Variants in KIF1C observed in about 807,000 individuals in gnomAD.
KIF1C encodes the protein kinesin family member 1C, also known as kinesin-like protein KIF1C.
Under a neutral mutation model 126.5 loss-of-function variants are expected in KIF1C, and 61 were observed. That is an observed-to-expected ratio of 0.48 (90% confidence interval 0.39 to 0.60). KIF1C has a LOEUF of 0.60. KIF1C is among the 20% of genes least tolerant of loss of function. The pLI is 0.00. For synonymous variants in KIF1C, 640 were observed against 580.6 expected (o/e 1.10, Z -1.47); for missense variants, 1,315 against 1,489.2 (o/e 0.88, Z 1.93).
chr17:5,003,107 C>T (rs1471024935), intron 8 of KIF1C, among the ~76,000 whole-genome samples: 1 of 150,912 alleles, frequency 6.6e-6, no homozygotes, highest in African/African-American at 2.4e-5. Context: ...TGCAGTGGTG[C>T]GATGTCAGCT....
rs1317509272 is a variant in KIF1C, at chr17:5,023,886, C to T, written c.3047C>T (p.Pro1016Leu). Reference protein sequence around the residue: ...PEEVTPHPATPARRPPSPRRS... With the variant: ...PEEVTPHPATLARRPPSPRRS... ...GAGGTCACTCCCCATCCAGCCACCCCTGCCCGCCGGCCTCCGAGTCCCCGA... is the reference window on the plus strand; with the variant it reads ...GAGGTCACTCCCCATCCAGCCACCCTTGCCCGCCGGCCTCCGAGTCCCCGA... The change falls in exon 23 of 23, where the codon CCT becomes CTT. Residue 1016 changes from proline (P) to leucine (L), a missense_variant. Transcript: ENST00000320785. This position sits in a 1 kb window ranked among gnomAD's most constrained non-coding sequence, Gnocchi z 4.2. The T allele has an allele frequency of 1.3e-6, 2 of 1,543,088 alleles. No individual in the cohort carries two copies. The highest frequency in any genetic ancestry group is 2.5e-5 in the South Asian group (2 of 80,198).
chr17:5,009,541 C>T (rs943973899), intron 16 of KIF1C, among the ~76,000 whole-genome samples: 3 of 151,734 alleles, frequency 2.0e-5, no homozygotes, highest in Admixed American at 2.0e-4. Context: ...GTAATCCTAG[C>T]ACTTTGGGAG....
chr17:5,009,162 CAG>C (rs1240332623), intron 16 of KIF1C, among the ~76,000 whole-genome samples: 1 of 150,386 alleles, frequency 6.6e-6, no homozygotes, highest in Admixed American at 6.6e-5. Flanking sequence ...AGTTTCCCCT[CAG>C]AGGCAGCCTT....
intron 18 of KIF1C, among the ~76,000 whole-genome samples, chr17:5,018,416 C>T (rs928871721): frequency 6.6e-6 from 1 of 151,828 alleles, no homozygotes; most frequent in Admixed American, 6.6e-5. Context: ...CCTGTGATTC[C>T]AGCACTTTGG....
chr17:5,004,789 G>C, intron 12 of KIF1C, 66 bp from the exon 13 acceptor site: 4 of 1,608,244 alleles, frequency 2.5e-6, no homozygotes, highest in Non-Finnish European at 3.4e-6. Flanking sequence ...AGAGGGGGAA[G>C]GAGAAACAGC....
chr17:5,012,796 C>T (rs998915942), intron 16 of KIF1C, among the ~76,000 whole-genome samples: 20 of 152,162 alleles, frequency 1.3e-4, no homozygotes, highest in Non-Finnish European at 2.5e-4. Context: ...GGTACAGAGG[C>T]AGCGTCGCCT....
chr17:5,004,964 C>T lies in KIF1C; in HGVS notation c.1129C>T (p.Leu377=). Residue 377 remains leucine (L), a synonymous_variant, in exon 13 of 23, where the codon CTG becomes TTG. Coordinates refer to ENST00000320785, the MANE Select transcript of KIF1C (RefSeq NM_006612.6). ...QEEVARLREL[L]MAQGLSASAL... ...GGAAGTAGCCCGGCTGCGGGAACTG[C>T]TGATGGCTCAGGGACTGTCAGCCTC... 1 of 1,614,244 alleles carries T rather than the reference C, an allele frequency of 6.2e-7. No homozygotes were observed.
Position 5,006,865 on chromosome 17 carries a change from C to T in KIF1C, c.1166-50C>T, listed in dbSNP as rs528978176. 5.5e-5 allele frequency: 88 copies of T among 1,587,490 alleles called. 1 individual carries two copies. In the South Asian group the frequency reaches 9.3e-4, roughly 17 times the overall value. On this transcript the variant is annotated intron_variant, in intron 13 of 22. Coordinates refer to ENST00000320785, the MANE Select transcript of KIF1C (RefSeq NM_006612.6). ...TCTTGGTCTCCTGGATGTCTCTCAT[C>T]AGCTCCTTCTTTCCTTAGCCTCATT...
At position 5,020,815 on chromosome 17, in the gene KIF1C, T is replaced by G. The variant is rs766079602; in HGVS notation, c.1947T>G (p.Asp649Glu). ...IKLEMEKRLQ[D>E]LENQYRKEKE... ...CCCTGTCCAATCCCAGGCTGCAGGATCTGGAGAATCAGTACCGGAAAGAAA... is the reference window on the plus strand; with the variant it reads ...CCCTGTCCAATCCCAGGCTGCAGGAGCTGGAGAATCAGTACCGGAAAGAAA... The change falls in exon 21 of 23, where the codon GAT (aspartate) becomes GAG (glutamate). Residue 649 changes from aspartate (D) to glutamate (E), a missense_variant. Asp to Glu is a conservative substitution (Grantham distance 45). Transcript: ENST00000320785. This position sits in a 1 kb window ranked among gnomAD's most constrained non-coding sequence, Gnocchi z 5.8. 1 of 1,594,644 alleles carries G rather than the reference T, an allele frequency of 6.3e-7. No homozygotes were observed. The highest frequency in any genetic ancestry group is 1.8e-5 in the Admixed American group (1 of 55,414).
At position 5,002,851 on chromosome 17, in the gene KIF1C, G is replaced by GC. The variant is rs10533622; in HGVS notation, c.720+20dup. On this transcript the variant is annotated intron_variant, in intron 8 of 22. Coordinates refer to ENST00000320785, the MANE Select transcript of KIF1C (RefSeq NM_006612.6). ...GGCTGGACTCGGAGAAGGTGGGATC[G>GC]CCCCCCCCCCCACTCCCCCACCGGA... The GC allele has an allele frequency of 0.029, 40,418 of 1,394,920 alleles. 22 individuals are homozygous for GC. Among genetic ancestry groups the GC allele is most frequent in the South Asian group, 0.084 (6,630 of 78,676 alleles). 86.4% of individuals were successfully genotyped at this position (1,394,920 alleles called of 1,614,324 possible).
Position 5,020,648 on chromosome 17 carries a change from G to A in KIF1C, c.1907G>A (p.Gly636Asp), listed in dbSNP as rs1975069700. Residue 636 changes from glycine (G) to aspartate (D), a missense_variant, in exon 20 of 23, where the codon GGC (glycine) becomes GAC (aspartate). Gly to Asp is a moderately conservative substitution (Grantham distance 94). Around this residue, in one of 2 missense-constraint regions of KIF1C, gnomAD observed 874 missense variants for 1,053.2 expected, o/e 0.83. Coordinates refer to ENST00000320785, the MANE Select transcript of KIF1C (RefSeq NM_006612.6). This position sits in a 1 kb window ranked among gnomAD's most constrained non-coding sequence, Gnocchi z 5.8. ...CAGAAGGAACTGCTGGAGCAGCAAGGCATCGACATAAAGCTGGAAATGGAG... is the reference window on the plus strand; with the variant it reads ...CAGAAGGAACTGCTGGAGCAGCAAGACATCGACATAAAGCTGGAAATGGAG... Reference protein sequence around the residue: ...FAQKELLEQQGIDIKLEMEKR... With the variant: ...FAQKELLEQQDIDIKLEMEKR... The A allele has an allele frequency of 6.2e-7, 1 of 1,614,096 alleles. No homozygotes were observed. The highest frequency in any genetic ancestry group is 8.5e-7 in the Non-Finnish European group (1 of 1,180,030).
In KIF1C at chr17:5,026,399, G is replaced by T. The variant is rs938724369; in HGVS notation, c.*2248G>T. On this transcript the variant is annotated 3_prime_UTR_variant, in exon 23 of 23. Transcript: ENST00000320785. Reference sequence around the variant, plus strand: ...AAATAGCTTGCTAATTTAAAAGACGGATTATTTTTCCCTAAAGACCTTGAC... The same window carrying T: ...AAATAGCTTGCTAATTTAAAAGACGTATTATTTTTCCCTAAAGACCTTGAC... The T allele has an allele frequency of 6.6e-6, 1 of 152,072 alleles. No individual in the cohort carries two copies. Among genetic ancestry groups the T allele is most frequent in the African/African-American group, 2.4e-5 (1 of 41,396 alleles). 9.4% of individuals were successfully genotyped at this position (152,072 alleles called of 1,614,324 possible). A position where few individuals can be genotyped will look rare whatever the true frequency, so the allele number is the denominator to read the frequency against.
intron 6 of KIF1C, 128 bp downstream of exon 6, chr17:5,002,252 C>T: frequency 9.8e-7 from 1 of 1,017,562 alleles, no homozygotes; most frequent in South Asian, 1.3e-5. Context: ...GGCAGTGATT[C>T]TGTCCTTCAG....
At position 5,005,155 on chromosome 17, in the gene KIF1C, G is replaced by C. The variant is rs552788852; in HGVS notation, c.1165+155G>C. On this transcript the variant is annotated intron_variant, in intron 13 of 22. Transcript: ENST00000320785. Reference sequence around the variant, plus strand: ...GTGGACACAGATGTGGAGAGGGAACGTATGTCTTCAGATGTTACAGAGCTG... The same window carrying C: ...GTGGACACAGATGTGGAGAGGGAACCTATGTCTTCAGATGTTACAGAGCTG... 2.6e-5 allele frequency among the ~76,000 whole-genome samples: 4 copies of C among 152,348 alleles called. No individual in the cohort carries two copies. The East Asian group carries it at 7.7e-4, about 29-fold the overall frequency.
Position 5,006,972 on chromosome 17 carries a change from C to G in KIF1C, c.1223C>G (p.Pro408Arg), listed in dbSNP as rs2143331334. ...GCCCTGCCAGCTGTGTCATCTCCCC[C>G]AGCTCCAGTTTCACCCTCATCACCC... ...RGALPAVSSP[P>R]APVSPSSPTT... The change falls in exon 14 of 23, where the codon CCA (proline) becomes CGA (arginine). Residue 408 changes from proline (P) to arginine (R), a missense_variant. By Grantham distance (103) the Pro-to-Arg change is moderately radical. This residue lies in a region of KIF1C where 874 missense variants were observed against 1,053.2 expected (regional missense o/e 0.83). Transcript: ENST00000320785. The G allele has an allele frequency of 1.9e-6, 3 of 1,610,684 alleles. 1 individual carries two copies. The Admixed American group carries it at 5.1e-5, about 27-fold the overall frequency.
chr17:5,020,045 G>A lies in KIF1C; in HGVS notation c.1716G>A (p.Gly572=), dbSNP rs1468583595. The A allele has an allele frequency of 6.2e-7, 1 of 1,603,852 alleles. No individual in the cohort carries two copies. The highest frequency in any genetic ancestry group is 2.2e-5 in the East Asian group (1 of 44,550). ...AAGGAGCTGAGACATATGTGAATGG[G>A]AAGCTTGTGACGGAGCCGCTGGTGC... ...PCEGAETYVN[G]KLVTEPLVLK... The change falls in exon 19 of 23, where the codon GGG becomes GGA. Residue 572 remains glycine (G), a synonymous_variant. Transcript: ENST00000320785. This position sits in a 1 kb window ranked among gnomAD's most constrained non-coding sequence, Gnocchi z 5.8.
Position 5,022,403 on chromosome 17 carries a change from G to C in KIF1C, c.2322G>C (p.Leu774=), listed in dbSNP as rs747862350. The change falls in exon 22 of 23, where the codon CTG becomes CTC. Residue 774 remains leucine, a synonymous_variant. Transcript: ENST00000320785. The surrounding 1 kb of genome is among the most constrained non-coding windows in gnomAD (Gnocchi z 4.9). Reference sequence around the variant, plus strand: ...ACGGGCGGGCTGAGATTGAGGCCCTGGCCGCCCTCAAGATGCGGGAGCTGT... The same window carrying C: ...ACGGGCGGGCTGAGATTGAGGCCCTCGCCGCCCTCAAGATGCGGGAGCTGT... The part of the protein sequence containing the change: ...FRHGRAEIEA[L]AALKMRELCR... 3 of 1,579,306 alleles carry C rather than the reference G, an allele frequency of 1.9e-6. No homozygotes were observed. The highest frequency in any genetic ancestry group is 2.6e-6 in the Non-Finnish European group (3 of 1,161,522).
intron 13 of KIF1C, 45 bp from the exon 14 acceptor site, chr17:5,006,870 C>A (rs933814609): frequency 6.2e-6 from 10 of 1,601,136 alleles, no homozygotes; most frequent in Admixed American, 1.7e-5. Flanking sequence ...CTCATCAGCT[C>A]CTTCTTTCCT....
chr17:5,000,051 C>T, intron 2 of KIF1C, 81 bp downstream of exon 2: 1 of 590,238 alleles, frequency 1.7e-6, no homozygotes, highest in South Asian at 2.0e-5. Flanking sequence ...GGGAGTCTCT[C>T]AAGACAGTGA....
Sources: gnomAD v4.1 joint callset for allele counts (sites outside exome capture counted in the v4.1 genomes callset) on GRCh38, gnomAD v4.1.1 for gene constraint, gnomAD v4.1.1 regional missense constraint, Gnocchi (gnomAD v3.1) non-coding constraint, MANE v1.5 for transcripts, NCBI Gene and HGNC (gene_info 2026-07-23, HGNC 2026-07-21) for gene names.